LRPPRC: variants seen among roughly 807,000 people sequenced by gnomAD.
LRPPRC encodes the protein leucine-rich PPR motif-containing protein, mitochondrial.
In LRPPRC, 120 loss-of-function variants were observed where a neutral mutation model predicts 180.3. That is an observed-to-expected ratio of 0.67 (90% CI 0.57 to 0.77). LRPPRC has a LOEUF of 0.77. LRPPRC is among the 30% of genes least tolerant of loss of function. The pLI is 0.00. For synonymous variants in LRPPRC, 723 were observed against 600.0 expected (o/e 1.21, Z -3.00); for missense variants, 2,012 against 1,657.2 (o/e 1.21, Z -3.72).
chr2:43,915,646 T>C (rs1310782644), intron 29 of LRPPRC, among the ~76,000 whole-genome samples: 1 of 152,140 alleles, frequency 6.6e-6, no homozygotes, highest in Non-Finnish European at 1.5e-5. Context: ...ACCACTGCTC[T>C]CCACCCTGGG....
At position 43,899,329 on chromosome 2, in the gene LRPPRC, T is replaced by C; in HGVS notation, c.3715A>G (p.Ile1239Val). 1 of 1,613,294 alleles carries C rather than the reference T, an allele frequency of 6.2e-7. No individual in the cohort carries two copies. Among genetic ancestry groups the C allele is most frequent in the Non-Finnish European group, 8.5e-7 (1 of 1,179,202 alleles). Residue 1239 changes from isoleucine to valine, a missense_variant, in exon 34 of 38, where the codon ATC becomes GTC. Physicochemically the swap from Ile to Val is conservative, Grantham distance 29. Transcript: ENST00000260665. ...TGATTGGCCAATCTCTCCGCCATGA[T>C]GCTTACTGGAAAAATGACAGGTAAG... ...QLEPAVEKIS[I>V]MAERLANQFA...
intron 2 of LRPPRC, 83 bp from the exon 3 acceptor site, chr2:43,980,031 T>C (rs1240416925): frequency 1.5e-6 from 2 of 1,368,936 alleles, no homozygotes; most frequent in East Asian, 2.4e-5. Context: ...CAGAAATCTA[T>C]AAGCATTCAA....
At chr2:43,911,706 T>C (rs1031582561) in intron 30 of LRPPRC, among the ~76,000 whole-genome samples, 1 of 151,990 alleles carries the variant, frequency 6.6e-6, no homozygotes. Flanking sequence ...TTTGTATTTT[T>C]AGTAGAGACA....
chr2:43,923,706 T>G (rs931320101), intron 27 of LRPPRC, among the ~76,000 whole-genome samples: 13 of 152,000 alleles, frequency 8.6e-5, no homozygotes, highest in African/African-American at 2.2e-4. Context: ...TTCATAGTTT[T>G]TTTTTTTTTT....
intron 1 of LRPPRC, among the ~76,000 whole-genome samples, chr2:43,990,589 C>T (rs913599926): frequency 4.6e-5 from 7 of 152,192 alleles, no homozygotes; most frequent in Non-Finnish European, 1.0e-4. Context: ...CAAGTCTCTT[C>T]ACGCTCTTCT....
In LRPPRC at chr2:43,974,607, A is replaced by C. The variant is rs1673966030; in HGVS notation, c.1009+7T>G. On this transcript the variant is annotated splice_region_variant and intron_variant, in intron 8 of 37. Coordinates refer to ENST00000260665, the MANE Select transcript of LRPPRC (RefSeq NM_133259.4). ...AAAATCATGTAAATAGATTTTTTTA[A>C]AACTACCTGGAATATATCTTCTTTC... The C allele has an allele frequency of 6.5e-7, 1 of 1,549,894 alleles. No individual in the cohort carries two copies. The highest frequency in any genetic ancestry group is 1.4e-5 in the African/African-American group (1 of 73,530).
chr2:43,921,852 C>T (rs571277180), intron 27 of LRPPRC, among the ~76,000 whole-genome samples: 10 of 152,214 alleles, frequency 6.6e-5, no homozygotes, highest in South Asian at 2.1e-4. Flanking sequence ...ATTACTGAGA[C>T]GGAATAAATG....
intron 11 of LRPPRC, 157 bp from the exon 12 acceptor site, chr2:43,963,863 A>T (rs915153795): frequency 1.4e-5 from 9 of 652,878 alleles, no homozygotes; most frequent in Admixed American, 2.6e-5. Flanking sequence ...TGTGAGATAC[A>T]ATGATAAAAA....
chr2:43,902,514 G>A (rs115049811), intron 31 of LRPPRC: 1 of 152,140 alleles, frequency 6.6e-6, no homozygotes, highest in African/African-American at 2.4e-5. Context: ...TAATTGAAGT[G>A]TACTCAAAAT....
intron 32 of LRPPRC, among the ~76,000 whole-genome samples, chr2:43,899,892 C>G (rs1428495579): frequency 6.6e-6 from 1 of 152,164 alleles, no homozygotes; most frequent in Non-Finnish European, 1.5e-5. Flanking sequence ...GATCAAACAA[C>G]TATATACAGG....
intron 1 of LRPPRC, among the ~76,000 whole-genome samples, chr2:43,987,394 C>T (rs1674573947): frequency 6.8e-6 from 1 of 146,746 alleles, no homozygotes; most frequent in Non-Finnish European, 1.5e-5. Flanking sequence ...ACTCAGGAAG[C>T]TGAGGCAGGA....
intron 3 of LRPPRC, 56 bp from the exon 4 acceptor site, chr2:43,977,332 A>G: frequency 7.4e-7 from 1 of 1,349,402 alleles, no homozygotes; most frequent in Non-Finnish European, 1.1e-6. Context: ...CCTATGCTTT[A>G]AAGTGGACCT....
intron 29 of LRPPRC, among the ~76,000 whole-genome samples, chr2:43,916,502 C>T (rs1392379471): frequency 6.6e-6 from 1 of 152,186 alleles, no homozygotes; most frequent in Non-Finnish European, 1.5e-5. Flanking sequence ...ATCACTTCAA[C>T]ACATACTAGT....
At chr2:43,902,649 A>T (rs1191406645) in intron 31 of LRPPRC, 1 of 152,222 alleles carries the variant, frequency 6.6e-6, no homozygotes, top group Admixed American at 6.5e-5. Context: ...TAAAAAGCAT[A>T]GTCAATAAAA....
chr2:43,974,571 A>C (rs1297925127), intron 8 of LRPPRC, 43 bp downstream of exon 8: 2 of 1,313,998 alleles, frequency 1.5e-6, no homozygotes, highest in Non-Finnish European at 2.2e-6. Context: ...ATAGCAATTC[A>C]GATTTTTATA....
At chr2:43,895,624 T>C (rs1670650446) in intron 35 of LRPPRC, among the ~76,000 whole-genome samples, 1 of 152,170 alleles carries the variant, frequency 6.6e-6, no homozygotes, top group Non-Finnish European at 1.5e-5. Context: ...AGTAAATAAA[T>C]ACATGAGTCA....
intron 26 of LRPPRC, 95 bp downstream of exon 26, chr2:43,925,798 G>A (rs1426340678): frequency 6.1e-6 from 5 of 816,370 alleles, no homozygotes; most frequent in Non-Finnish European, 1.1e-5. Context: ...ACAATGCCCT[G>A]TCTCTCGAAG....
At chr2:43,960,412 G>C (rs555341675) in intron 13 of LRPPRC, 129 bp downstream of exon 13, 28 of 697,936 alleles carry the variant, frequency 4.0e-5, no homozygotes, top group African/African-American at 3.5e-4. Flanking sequence ...CTCATAAACC[G>C]TTTTATCAGT....
Position 43,979,959 on chromosome 2 carries a change from A to C in LRPPRC, c.347-11T>G, listed in dbSNP as rs1160757635. ...TACCACCTAGGCCACCTGTGGAAAAAAGGTTAATGGATAACATTTAACATA... is the reference window on the plus strand; with the variant it reads ...TACCACCTAGGCCACCTGTGGAAAACAGGTTAATGGATAACATTTAACATA... On this transcript the variant is annotated splice_polypyrimidine_tract_variant and intron_variant, in intron 2 of 37. Transcript: ENST00000260665. 1.2e-6 allele frequency: 2 copies of C among 1,613,148 alleles called. No individual in the cohort carries two copies. Among genetic ancestry groups the C allele is most frequent in the East Asian group, 4.5e-5 (2 of 44,816 alleles).
Sources: gnomAD v4.1 joint callset for allele counts (sites outside exome capture counted in the v4.1 genomes callset) on GRCh38, gnomAD v4.1.1 for gene constraint, MANE v1.5 for transcripts, NCBI Gene and HGNC (gene_info 2026-07-23, HGNC 2026-07-21) for gene names.